The following ERVH48-1 variants were observed in gnomAD, a reference collection of about 807,000 sequenced individuals.
The protein encoded by ERVH48-1 is endogenous retrovirus group 48 member 1, envelope.
Under a neutral mutation model 2.4 loss-of-function variants are expected in ERVH48-1, and 4 were observed. The ratio of observed to expected loss-of-function variants is 1.68; its 90% CI spans 0.83 to 3.84. ERVH48-1 has a LOEUF of 3.84. ERVH48-1 is among the 30% of genes most tolerant of loss of function. The pLI, the probability that ERVH48-1 is intolerant of heterozygous loss-of-function variation, is 0.01. For missense variants in ERVH48-1, 97 were observed against 43.4 expected (o/e 2.23, Z -3.47); for synonymous variants, 32 against 15.5 (o/e 2.06, Z -2.49).
rs1427912246 is a variant in ERVH48-1, at chr21:42,918,591, G to C, written c.416C>G (p.Ala139Gly). ...TTCAGGGGGAGTTGTTGGTTTTGAG[G>C]CTTTGGCTTTGGCTATAATCTGTTC... ...KREQIIAKAK[A>G]SKPTTPPENR... The change falls in exon 2 of 2, where the codon GCC becomes GGC. Residue 139 changes from alanine (A) to glycine (G), a missense_variant. Physicochemically the swap from Ala to Gly is moderately conservative, Grantham distance 60. Coordinates refer to ENST00000447535, the MANE Select transcript of ERVH48-1 (RefSeq NM_001308491.2). 1.8e-5 allele frequency: 8 copies of C among 456,370 alleles called. No individual in the cohort carries two copies. The highest frequency in any genetic ancestry group is 3.2e-4 in the Middle Eastern group (1 of 3,092). 28.3% of individuals were successfully genotyped at this position (456,370 alleles called of 1,614,324 possible).
chr21:42,923,962 A>G (rs2058814011), intron 1 of ERVH48-1, among the ~76,000 whole-genome samples: 1 of 152,224 alleles, frequency 6.6e-6, no homozygotes, highest in Non-Finnish European at 1.5e-5. Context: ...GGAGAAGGGA[A>G]CATGAACTCT....
Position 42,918,173 on chromosome 21 carries a change from G to C in ERVH48-1, c.*351C>G. ...AAGTTAGAAGGAGACCAGGCTCCAG[G>C]GGGTAACCTTGGCCACCACTCAGCT... On this transcript the variant is annotated 3_prime_UTR_variant, in exon 2 of 2. Transcript: ENST00000447535. 4.1e-6 allele frequency: 1 copy of C among 241,820 alleles called. No individual in the cohort carries two copies. The highest frequency in any genetic ancestry group is 8.2e-6 in the Non-Finnish European group (1 of 122,496). The allele number at this position is 241,820 out of a possible 1,614,324, so 15.0% of individuals were successfully genotyped here. A position where few individuals can be genotyped will look rare whatever the true frequency, so the allele number is the denominator to read the frequency against.
chr21:42,923,566 C>T (rs1282636595), intron 1 of ERVH48-1, among the ~76,000 whole-genome samples: 2 of 152,074 alleles, frequency 1.3e-5, no homozygotes, highest in Admixed American at 6.6e-5. Context: ...TTCGTCAGGA[C>T]CTTGGGTGAT....
At chr21:42,921,773 G>A (rs1445543359) in intron 1 of ERVH48-1, among the ~76,000 whole-genome samples, 1 of 151,716 alleles carries the variant, frequency 6.6e-6, no homozygotes, top group African/African-American at 2.4e-5. Context: ...AAAACCTTGA[G>A]GTAGTAGGCA....
At chr21:42,919,568 G>A (rs966004600) in intron 1 of ERVH48-1, among the ~76,000 whole-genome samples, 2 of 152,174 alleles carry the variant, frequency 1.3e-5, no homozygotes, top group Non-Finnish European at 2.9e-5. Flanking sequence ...TTTCTAGAGT[G>A]AGCTTGGTGA....
In ERVH48-1 at chr21:42,918,322, C is replaced by T. The variant is rs147722148; in HGVS notation, c.*202G>A. 7.7e-4 allele frequency: 274 copies of T among 356,134 alleles called. 1 individual carries two copies. The highest frequency in any genetic ancestry group is 5.1e-3 in the African/African-American group (237 of 46,776). 22.1% of individuals were successfully genotyped at this position (356,134 alleles called of 1,614,324 possible). Reference sequence around the variant, plus strand: ...CTGGGTTGGTAAGTGTCCAGGACTGCGGGCATTCCTGAGGAGTGAAAGTGA... The same window carrying T: ...CTGGGTTGGTAAGTGTCCAGGACTGTGGGCATTCCTGAGGAGTGAAAGTGA... On this transcript the variant is annotated 3_prime_UTR_variant, in exon 2 of 2. Transcript: ENST00000447535.
Position 42,919,020 on chromosome 21 carries a change from T to C in ERVH48-1, c.-14A>G. 1 of 1,232,522 alleles carries C rather than the reference T, an allele frequency of 8.1e-7. No individual in the cohort carries two copies. Among genetic ancestry groups the C allele is most frequent in the South Asian group, 1.3e-5 (1 of 76,488 alleles). The allele number at this position is 1,232,522 out of a possible 1,614,324, so 76.3% of individuals were successfully genotyped here. Reference sequence around the variant, plus strand: ...GATACAGGCCATTCCTGGAAGCACGTGGTTAGTCTTCCTTGTGTTTTGGTT... The same window carrying C: ...GATACAGGCCATTCCTGGAAGCACGCGGTTAGTCTTCCTTGTGTTTTGGTT... On this transcript the variant is annotated 5_prime_UTR_variant, in exon 2 of 2. Coordinates refer to ENST00000447535, the MANE Select transcript of ERVH48-1 (RefSeq NM_001308491.2).
rs918841434 is a variant in ERVH48-1, at chr21:42,917,748, C to A, written c.*776G>T. ...CATATATATGGGAGTGCGATAACCC[C>A]ATGAACCATCCTCTGCCCAAGTGGC... On this transcript the variant is annotated 3_prime_UTR_variant, in exon 2 of 2. Transcript: ENST00000447535. 3 of 152,314 alleles carry A rather than the reference C, an allele frequency of 2.0e-5. No individual in the cohort carries two copies. The allele number at this position is 152,314 out of a possible 1,614,324, so 9.4% of individuals were successfully genotyped here. A position where few individuals can be genotyped will look rare whatever the true frequency, so the allele number is the denominator to read the frequency against.
At chr21:42,922,518 A>G (rs938691308) in intron 1 of ERVH48-1, among the ~76,000 whole-genome samples, 1 of 151,962 alleles carries the variant, frequency 6.6e-6, no homozygotes, top group Non-Finnish European at 1.5e-5. Flanking sequence ...AGGTGGGTGG[A>G]TCATGAGGTC....
chr21:42,918,116 C>T lies in ERVH48-1; in HGVS notation c.*408G>A, dbSNP rs2058794250. 1.3e-5 allele frequency: 3 copies of T among 223,394 alleles called. No homozygotes were observed. The South Asian group carries it at 2.1e-4, about 16-fold the overall frequency. 13.8% of individuals were successfully genotyped at this position (223,394 alleles called of 1,614,324 possible). A position where few individuals can be genotyped will look rare whatever the true frequency, so the allele number is the denominator to read the frequency against. On this transcript the variant is annotated 3_prime_UTR_variant, in exon 2 of 2. Coordinates refer to ENST00000447535, the MANE Select transcript of ERVH48-1 (RefSeq NM_001308491.2). ...TTAGTGGTGTTCGTACAGTACCAGG[C>T]CTTTTTTGACAAGACACAATTGAGG...
Position 42,918,317 on chromosome 21 carries a change from G to A in ERVH48-1, c.*207C>T. On this transcript the variant is annotated 3_prime_UTR_variant, in exon 2 of 2. Coordinates refer to ENST00000447535, the MANE Select transcript of ERVH48-1 (RefSeq NM_001308491.2). ...TCATACTGGGTTGGTAAGTGTCCAG[G>A]ACTGCGGGCATTCCTGAGGAGTGAA... is the stretch of plus-strand genomic sequence containing the variant. The A allele has an allele frequency of 5.6e-6, 2 of 356,228 alleles. No individual in the cohort carries two copies. The highest frequency in any genetic ancestry group is 7.4e-5 in the East Asian group (1 of 13,578). 22.1% of individuals were successfully genotyped at this position (356,228 alleles called of 1,614,324 possible).
In ERVH48-1 at chr21:42,923,258, C is replaced by T. The variant is rs184231365; in HGVS notation, c.-286+2088G>A. On this transcript the variant is annotated intron_variant, in intron 1 of 1. Transcript: ENST00000447535. ...GCTAGGAGGCTCCCGTGTGGAGCTG[C>T]GGCCCCGTGGGCCTGCAGGGCCTCC... Among the ~76,000 whole-genome samples the T allele has an allele frequency of 5.9e-3, 903 of 152,330 alleles. 7 individuals are homozygous for T. Among genetic ancestry groups the T allele is most frequent in the African/African-American group, 0.021 (857 of 41,590 alleles).
In ERVH48-1 at chr21:42,919,120, T is replaced by C; in HGVS notation, c.-114A>G. 1.7e-6 allele frequency: 2 copies of C among 1,185,158 alleles called. No homozygotes were observed. The highest frequency in any genetic ancestry group is 2.1e-6 in the Non-Finnish European group (2 of 936,174). 73.4% of individuals were successfully genotyped at this position (1,185,158 alleles called of 1,614,324 possible). A position where few individuals can be genotyped will look rare whatever the true frequency, so the allele number is the denominator to read the frequency against. ...AGACAAACACTTAGCTGTTAATGTT[T>C]TGGAGGAAGAAGCTGCCTTGGGGGT... is the stretch of plus-strand genomic sequence containing the variant. On this transcript the variant is annotated 5_prime_UTR_variant, in exon 2 of 2. Coordinates refer to ENST00000447535, the MANE Select transcript of ERVH48-1 (RefSeq NM_001308491.2).
chr21:42,919,163 G>A lies in ERVH48-1; in HGVS notation c.-157C>T, dbSNP rs559144244. The A allele has an allele frequency of 1.2e-4, 110 of 916,596 alleles. 1 individual carries two copies. The highest frequency in any genetic ancestry group is 3.1e-4 in the East Asian group (5 of 15,946). 56.8% of individuals were successfully genotyped at this position (916,596 alleles called of 1,614,324 possible). A position where few individuals can be genotyped will look rare whatever the true frequency, so the allele number is the denominator to read the frequency against. ...TTGGGGGTGAGCTTGACCCTGGTGC[G>A]ATGGATCCAGTTGGGGAGTCCTCGG... On this transcript the variant is annotated 5_prime_UTR_variant, in exon 2 of 2. Coordinates refer to ENST00000447535, the MANE Select transcript of ERVH48-1 (RefSeq NM_001308491.2).
Position 42,918,798 on chromosome 21 carries a change from G to C in ERVH48-1, c.209C>G (p.Ser70Cys). 1 of 456,646 alleles carries C rather than the reference G, an allele frequency of 2.2e-6. No individual in the cohort carries two copies. The highest frequency in any genetic ancestry group is 4.4e-6 in the Non-Finnish European group (1 of 226,972). 28.3% of individuals were successfully genotyped at this position (456,646 alleles called of 1,614,324 possible). A position where few individuals can be genotyped will look rare whatever the true frequency, so the allele number is the denominator to read the frequency against. ...TTCCTCGATTAAGTTTCCATAACAGGATCTTTCTATATGAGTATGGTAAGT... is the reference window on the plus strand; with the variant it reads ...TTCCTCGATTAAGTTTCCATAACAGCATCTTTCTATATGAGTATGGTAAGT... ...YFTYHTHIER[S>C]CYGNLIEECV... The change falls in exon 2 of 2, where the codon TCC (serine) becomes TGC (cysteine). Residue 70 changes from serine to cysteine, a missense_variant. Ser to Cys is a moderately radical substitution (Grantham distance 112). Coordinates refer to ENST00000447535, the MANE Select transcript of ERVH48-1 (RefSeq NM_001308491.2).
intron 1 of ERVH48-1, among the ~76,000 whole-genome samples, chr21:42,925,130 G>T (rs769841749): frequency 2.0e-5 from 3 of 152,102 alleles, no homozygotes; most frequent in African/African-American, 4.8e-5. Context: ...ATTTTTAGTA[G>T]AGACGGAGTT....
chr21:42,919,093 C>G lies in ERVH48-1; in HGVS notation c.-87G>C. On this transcript the variant is annotated 5_prime_UTR_variant, in exon 2 of 2. Transcript: ENST00000447535. The stretch of plus-strand genomic sequence containing the variant: ...TTTAAACTTGGTAGGAGAAATTGGC[C>G]CAGACAAACACTTAGCTGTTAATGT... 1 of 1,204,452 alleles carries G rather than the reference C, an allele frequency of 8.3e-7. No homozygotes were observed. 74.6% of individuals were successfully genotyped at this position (1,204,452 alleles called of 1,614,324 possible).
At chr21:42,919,823 C>G (rs1006506313) in intron 1 of ERVH48-1, among the ~76,000 whole-genome samples, 6 of 152,168 alleles carry the variant, frequency 3.9e-5, no homozygotes, top group Non-Finnish European at 8.8e-5. Flanking sequence ...CTTCTACCCA[C>G]CTGGAGAAAG....
chr21:42,919,843 A>G lies in ERVH48-1; in HGVS notation c.-285-552T>C, dbSNP rs569318577. ...ACCCACCTGGAGAAAGTACAGACAAAGACTAGAAGATAGTGGAGCCATTTA... is the reference window on the plus strand; with the variant it reads ...ACCCACCTGGAGAAAGTACAGACAAGGACTAGAAGATAGTGGAGCCATTTA... On this transcript the variant is annotated intron_variant, in intron 1 of 1. Transcript: ENST00000447535. Among the ~76,000 whole-genome samples, 7 of 152,308 alleles carry G rather than the reference A, an allele frequency of 4.6e-5. No homozygotes were observed. The South Asian group carries it at 1.5e-3, about 32-fold the overall frequency.
Sources: gnomAD v4.1 joint callset for allele counts (sites outside exome capture counted in the v4.1 genomes callset) on GRCh38, gnomAD v4.1.1 for gene constraint, MANE v1.5 for transcripts, NCBI Gene and HGNC (gene_info 2026-07-23, HGNC 2026-07-21) for gene names.